AGBL3: variants seen among roughly 807,000 people sequenced by gnomAD.
The protein encoded by AGBL3 is cytosolic carboxypeptidase 3.
Under a neutral mutation model 94.5 loss-of-function variants are expected in AGBL3, and 68 were observed. That is an observed-to-expected ratio of 0.72 (90% confidence interval 0.59 to 0.88). AGBL3 has a LOEUF of 0.88. AGBL3 is among the 40% of genes least tolerant of loss of function. AGBL3 has a pLI of 0.00. For synonymous variants in AGBL3, 354 were observed against 370.7 expected, an observed-to-expected ratio of 0.95 and a Z score of 0.52; for missense variants, 934 against 1,103.8, an observed-to-expected ratio of 0.85 and a Z score of 2.18.
chr7:134,999,567 T>C (rs1811452286), intron 4 of AGBL3, among the ~76,000 whole-genome samples: 1 of 152,222 alleles, frequency 6.6e-6, no homozygotes, highest in Non-Finnish European at 1.5e-5. Context: ...GGTCCAGTCA[T>C]CATCTGATCC....
At chr7:135,055,519 T>A (rs558203545) in intron 11 of AGBL3, among the ~76,000 whole-genome samples, 1 of 114,324 alleles carries the variant, frequency 8.7e-6, no homozygotes, top group Non-Finnish European at 2.0e-5. Flanking sequence ...AATATATTGA[T>A]ATAATTTTTT....
chr7:135,064,064 T>C (rs1389674534), intron 12 of AGBL3, among the ~76,000 whole-genome samples: 1 of 152,188 alleles, frequency 6.6e-6, no homozygotes, highest in Non-Finnish European at 1.5e-5. Flanking sequence ...TGCAAATCTA[T>C]TTAAAGCCTC....
chr7:135,109,859 C>T (rs1488771953), intron 15 of AGBL3, among the ~76,000 whole-genome samples: 1 of 152,210 alleles, frequency 6.6e-6, no homozygotes, highest in Non-Finnish European at 1.5e-5. Context: ...TGTGAAATAG[C>T]AAAGACGGTG....
chr7:134,996,569 C>T (rs1231786103), intron 4 of AGBL3, among the ~76,000 whole-genome samples: 1 of 152,196 alleles, frequency 6.6e-6, no homozygotes, highest in African/African-American at 2.4e-5. Context: ...TCTTGAAAGA[C>T]TTTCCATATC....
At chr7:135,097,306 T>G (rs527601593) in intron 15 of AGBL3, among the ~76,000 whole-genome samples, 9 of 152,270 alleles carry the variant, frequency 5.9e-5, no homozygotes, top group African/African-American at 2.2e-4. Flanking sequence ...CTACAGTGTA[T>G]CAAGTGATAC....
At chr7:135,073,512 A>AAATG (rs1554510800) in intron 12 of AGBL3, among the ~76,000 whole-genome samples, 2 of 144,236 alleles carry the variant, frequency 1.4e-5, no homozygotes, top group South Asian at 4.4e-4. Context: ...ATAAATAAAT[A>AAATG]AACCTTGCAG....
At chr7:135,116,425 T>A (rs921638847) in intron 16 of AGBL3, among the ~76,000 whole-genome samples, 6 of 152,182 alleles carry the variant, frequency 3.9e-5, no homozygotes, top group African/African-American at 1.2e-4. Context: ...TATGAATACT[T>A]TCATAAGAAA....
rs4236655 is a variant in AGBL3 at position 135,017,105 on chromosome 7, G to C, written c.364G>C (p.Glu122Gln). The C allele has an allele frequency of 0.99, 1,528,122 of 1,551,372 alleles. 754,672 individuals carry two copies. Among genetic ancestry groups the C allele is most frequent in the Non-Finnish European group, 1 (1,145,181 of 1,146,424 alleles). The change falls in exon 5 of 17, where the codon GAA becomes CAA. Residue 122 changes from glutamate to glutamine, a missense_variant. By Grantham distance (29) the Glu-to-Gln change is conservative. This residue lies in a region of AGBL3 where 488 missense variants were observed against 563.6 expected (regional missense o/e 0.87). Transcript: ENST00000436302. ...PVYIPTGLET[E>Q]PLYPDSKEAT... ...GTATATCCCAACGGGCTTAGAAACG[G>C]AACCCCTTTATCCAGACTCCAAGGA...
chr7:135,032,857 C>T lies in AGBL3; in HGVS notation c.432C>T (p.Pro144=). The T allele has an allele frequency of 6.5e-7, 1 of 1,547,994 alleles. No homozygotes were observed. The highest frequency in any genetic ancestry group is 8.7e-7 in the Non-Finnish European group (1 of 1,145,584). ...TTCTCTCATCAGCTTACAAAGAGCC[C>T]TGTTTTGTGTATTCCCGAGTTGGGG... ...VYLAEDAYKE[P]CFVYSRVGGN... Residue 144 remains proline (P), a synonymous_variant, in exon 6 of 17, where the codon CCC becomes CCT. Transcript: ENST00000436302.
intron 15 of AGBL3, among the ~76,000 whole-genome samples, chr7:135,097,691 T>G (rs1342366985): frequency 6.6e-6 from 1 of 152,100 alleles, no homozygotes; most frequent in Non-Finnish European, 1.5e-5. Context: ...CCTGAAAACA[T>G]ACAGAAGCAC....
Position 135,090,499 on chromosome 7 carries a change from C to A in AGBL3, c.2110+8709C>A, listed in dbSNP as rs543141057. On this transcript the variant is annotated intron_variant, in intron 15 of 16. Transcript: ENST00000436302. ...GCACAGCTGCTCAGCTCAGCCAGGGCACCGATCCTCCAAGGGGAAATGTAC... is the reference window on the plus strand; with the variant it reads ...GCACAGCTGCTCAGCTCAGCCAGGGAACCGATCCTCCAAGGGGAAATGTAC... Among the ~76,000 whole-genome samples, 13 of 152,232 alleles carry A rather than the reference C, an allele frequency of 8.5e-5. 1 individual carries two copies. In the South Asian group the frequency reaches 2.5e-3, roughly 29 times the overall value.
At chr7:134,987,193 G>C (rs756406500) in intron 1 of AGBL3, among the ~76,000 whole-genome samples, 3 of 152,192 alleles carry the variant, frequency 2.0e-5, no homozygotes, top group African/African-American at 7.2e-5. Context: ...TCCAAAACAC[G>C]CTTCCTGTAG....
intron 4 of AGBL3, chr7:135,010,247 C>A (rs1001503638): frequency 3.6e-6 from 1 of 281,298 alleles, no homozygotes; most frequent in Non-Finnish European, 6.8e-6. Context: ...AGGATGGTCT[C>A]CGTCTCTTGA....
chr7:135,025,400 C>G (rs1814979778), intron 5 of AGBL3, among the ~76,000 whole-genome samples: 1 of 151,516 alleles, frequency 6.6e-6, no homozygotes, highest in African/African-American at 2.4e-5. Flanking sequence ...AAATCCTTCT[C>G]AAACAAGTAA....
intron 5 of AGBL3, among the ~76,000 whole-genome samples, chr7:135,027,787 A>G (rs540455048): frequency 1.3e-5 from 2 of 151,778 alleles, no homozygotes; most frequent in East Asian, 4.1e-4. Context: ...CACCCTAAAC[A>G]CCTGGACTTG....
intron 12 of AGBL3, among the ~76,000 whole-genome samples, chr7:135,070,676 T>C (rs143401884): frequency 0.48 from 73,194 of 151,310 alleles, 18,068 homozygotes; most frequent in South Asian, 0.66. Context: ...AATTCGACAA[T>C]GCTTCATGCT....
At chr7:135,090,516 G>A (rs1041576653) in intron 15 of AGBL3, among the ~76,000 whole-genome samples, 2 of 152,150 alleles carry the variant, frequency 1.3e-5, no homozygotes, top group Non-Finnish European at 2.9e-5. Flanking sequence ...CCTCCAAGGG[G>A]AAATGTACTG....
intron 15 of AGBL3, among the ~76,000 whole-genome samples, chr7:135,089,863 GT>G (rs1384285362): frequency 6.6e-6 from 1 of 152,132 alleles, no homozygotes; most frequent in African/African-American, 2.4e-5. Context: ...TGGGACCAGG[GT>G]CTTAGACTCA....
intron 15 of AGBL3, among the ~76,000 whole-genome samples, chr7:135,096,742 T>TGAAA (rs3038284): frequency 0.19 from 19,398 of 100,974 alleles, 2,001 homozygotes; most frequent in Non-Finnish European, 0.2. Flanking sequence ...AGAGAAAGAA[T>TGAAA]GAAAGAAAGA....
Sources: allele counts gnomAD v4.1 joint callset (sites outside exome capture counted in the v4.1 genomes callset), GRCh38; gene constraint gnomAD v4.1.1; regional missense constraint gnomAD v4.1.1; transcripts MANE v1.5; gene names NCBI Gene and HGNC (gene_info 2026-07-23, HGNC 2026-07-21).